Variants in SCYL2 observed in about 807,000 individuals in gnomAD.
SCYL2 encodes SCY1-like protein 2.
SCYL2 carries 36 observed loss-of-function variants against 100.4 expected under a neutral mutation model. The observed-to-expected ratio is 0.36, with a 90% CI of 0.27 to 0.47. SCYL2 has a LOEUF of 0.47. SCYL2 is among the 20% of genes least tolerant of loss of function. SCYL2 has a pLI of 1.00. For missense variants in SCYL2, 902 were observed against 1,083.9 expected (o/e 0.83, Z 2.36); for synonymous variants, 330 against 359.2 (o/e 0.92, Z 0.92).
intron 10 of SCYL2, among the ~76,000 whole-genome samples, chr12:100,320,457 A>G (rs1198036781): frequency 3.3e-5 from 5 of 152,008 alleles, no homozygotes; most frequent in African/African-American, 1.2e-4. Context: ...TGAGGCAGGG[A>G]GAATGGCTTG....
At chr12:100,315,865 T>G (rs2096348083) in intron 9 of SCYL2, 131 bp downstream of exon 9, 1 of 712,474 alleles carries the variant, frequency 1.4e-6, no homozygotes, top group Admixed American at 3.6e-5. Context: ...TTTCCATTAG[T>G]CAGAAAGCTG....
At chr12:100,283,901 C>T (rs2096301643) in intron 2 of SCYL2, among the ~76,000 whole-genome samples, 1 of 152,140 alleles carries the variant, frequency 6.6e-6, no homozygotes, top group South Asian at 2.1e-4. Context: ...GAAGTCTTTA[C>T]TGAAATTCAG....
At position 100,308,554 on chromosome 12, in the gene SCYL2, T is replaced by C. The variant is rs551538115; in HGVS notation, c.481-2490T>C. 1.4e-4 allele frequency among the ~76,000 whole-genome samples: 22 copies of C among 152,130 alleles called. No homozygotes were observed. In the South Asian group the frequency reaches 4.4e-3, roughly 30 times the overall value. On this transcript the variant is annotated intron_variant, in intron 4 of 17. Coordinates refer to ENST00000360820, the MANE Select transcript of SCYL2 (RefSeq NM_017988.6). ...CTAATGTAGGTGACTGGTTGATGGG[T>C]GCAGCAAACCACCATGGCACGTGTA...
intron 2 of SCYL2, among the ~76,000 whole-genome samples, chr12:100,289,652 C>T (rs1360787848): frequency 6.6e-6 from 1 of 152,002 alleles, no homozygotes; most frequent in African/African-American, 2.4e-5. Flanking sequence ...TTATCTCATT[C>T]CTTTTATGAC....
chr12:100,291,162 T>C (rs1348301683), intron 2 of SCYL2, among the ~76,000 whole-genome samples: 1 of 152,236 alleles, frequency 6.6e-6, no homozygotes, highest in African/African-American at 2.4e-5. Flanking sequence ...ACGATTATCA[T>C]TGTAAGTTAC....
intron 1 of SCYL2, among the ~76,000 whole-genome samples, chr12:100,277,629 T>A (rs191466416): frequency 6.6e-6 from 1 of 152,330 alleles, no homozygotes; most frequent in African/African-American, 2.4e-5. Context: ...CAGCATATAG[T>A]TAGGTCTTGC....
intron 12 of SCYL2, among the ~76,000 whole-genome samples, chr12:100,328,964 T>C (rs1952173175): frequency 6.6e-6 from 1 of 152,190 alleles, no homozygotes; most frequent in Non-Finnish European, 1.5e-5. Context: ...TATCATTAAA[T>C]GTACTCCTAA....
chr12:100,320,864 A>T (rs1461831295), intron 10 of SCYL2, among the ~76,000 whole-genome samples: 1 of 152,154 alleles, frequency 6.6e-6, no homozygotes, highest in African/African-American at 2.4e-5. Context: ...CTGACTGCTT[A>T]CACTTGCCCA....
chr12:100,302,897 G>A (rs2096329571), intron 4 of SCYL2, among the ~76,000 whole-genome samples: 3 of 152,200 alleles, frequency 2.0e-5, no homozygotes, highest in Non-Finnish European at 4.4e-5. Context: ...CCAGTCAAAC[G>A]GAGGTTTGGT....
chr12:100,336,752 C>T (rs1186773013), intron 16 of SCYL2, among the ~76,000 whole-genome samples: 1 of 151,994 alleles, frequency 6.6e-6, no homozygotes, highest in African/African-American at 2.4e-5. Context: ...GAATATGAAA[C>T]TATAATAGGA....
At chr12:100,299,276 A>G (rs2096324685) in intron 4 of SCYL2, among the ~76,000 whole-genome samples, 1 of 152,170 alleles carries the variant, frequency 6.6e-6, no homozygotes, top group East Asian at 1.9e-4. Context: ...CTTCAGTGCC[A>G]TAGAATAAAT....
At chr12:100,320,534 T>C (rs965672043) in intron 10 of SCYL2, among the ~76,000 whole-genome samples, 2 of 148,928 alleles carry the variant, frequency 1.3e-5, no homozygotes, top group African/African-American at 5.0e-5. Flanking sequence ...GGCGACAGAG[T>C]GAGACTCCGT....
intron 1 of SCYL2, among the ~76,000 whole-genome samples, chr12:100,281,019 G>GTTTTTTTTTTTTTTTTTTTTTT (rs202048587): frequency 2.0e-5 from 1 of 50,466 alleles, no homozygotes; most frequent in Non-Finnish European, 4.1e-5. Context: ...TACCATCAGT[G>GTTTTTTTTTTTTTTTTTTTTTT]TTTTTTTTTT....
In SCYL2 at chr12:100,338,621, A is replaced by T; in HGVS notation, c.2239A>T (p.Thr747Ser). The T allele has an allele frequency of 1.2e-6, 2 of 1,613,980 alleles. No individual in the cohort carries two copies. ...TAAATCTTCTGCTTCAAGTACTTTC[A>T]CTTCTGTTCCTTCCATGGGCATTGG... is the stretch of plus-strand genomic sequence containing the variant. ...TPKSSASSTF[T>S]SVPSMGIGMM... Residue 747 changes from threonine (T) to serine (S), a missense_variant, in exon 18 of 18, where the codon ACT becomes TCT. Coordinates refer to ENST00000360820, the MANE Select transcript of SCYL2 (RefSeq NM_017988.6).
chr12:100,335,831 C>A lies in SCYL2; in HGVS notation c.1950C>A (p.Asn650Lys). ...IGNQQIDKVF[N>K]NIGADLLTGS... ...TTCAGCAAATTGACAAAGTTTTTAA[C>A]AACATTGGAGCAGACCTTCTGACTG... The change falls in exon 16 of 18, where the codon AAC becomes AAA. Residue 650 changes from asparagine to lysine, a missense_variant. Transcript: ENST00000360820. 2 of 1,612,956 alleles carry A rather than the reference C, an allele frequency of 1.2e-6. No individual in the cohort carries two copies. The highest frequency in any genetic ancestry group is 1.7e-6 in the Non-Finnish European group (2 of 1,179,254).
intron 4 of SCYL2, among the ~76,000 whole-genome samples, chr12:100,302,303 A>C (rs191157979): frequency 6.3e-4 from 96 of 152,260 alleles, no homozygotes; most frequent in Admixed American, 1.8e-3. Context: ...TTGCCATCCT[A>C]GTCAGTTGAC....
chr12:100,290,906 T>C (rs1360157635), intron 2 of SCYL2, among the ~76,000 whole-genome samples: 1 of 152,134 alleles, frequency 6.6e-6, no homozygotes, highest in Non-Finnish European at 1.5e-5. Context: ...AAGGAGGATG[T>C]GTGCTTTTAG....
chr12:100,316,940 A>G (rs7957514), intron 9 of SCYL2, among the ~76,000 whole-genome samples: 1 of 152,044 alleles, frequency 6.6e-6, no homozygotes, highest in Non-Finnish European at 1.5e-5. Flanking sequence ...TGTCTCTTCA[A>G]ACAAATACAA....
chr12:100,318,610 G>A (rs1036171505), intron 10 of SCYL2, among the ~76,000 whole-genome samples: 2 of 152,186 alleles, frequency 1.3e-5, no homozygotes, highest in African/African-American at 2.4e-5. Context: ...GGGATTATAA[G>A]CCTGAGCCAT....
Sources: gnomAD v4.1 joint callset for allele counts (sites outside exome capture counted in the v4.1 genomes callset) on GRCh38, gnomAD v4.1.1 for gene constraint, MANE v1.5 for transcripts, NCBI Gene and HGNC (gene_info 2026-07-23, HGNC 2026-07-21) for gene names.